The following ANK3 variants were observed in gnomAD, a reference collection of about 807,000 sequenced individuals.
The protein encoded by ANK3 is ankyrin 3, also known as ankyrin-3.
ANK3 carries 57 observed loss-of-function variants against 370.9 expected under a neutral mutation model. That is an observed-to-expected ratio of 0.15 (90% CI 0.12 to 0.19). ANK3 has a LOEUF of 0.19. Ranked by LOEUF, ANK3 falls within the 10% of genes least tolerant of loss-of-function variation. The pLI is 1.00. For missense variants in ANK3, 4,439 were observed against 5,302.1 expected (o/e 0.84, Z 5.06); for synonymous variants, 1,929 against 1,946.3 (o/e 0.99, Z 0.23).
At chr10:60,725,000 A>G (rs2079921081) in intron 1 of ANK3, among the ~76,000 whole-genome samples, 1 of 152,054 alleles carries the variant, frequency 6.6e-6, no homozygotes, top group South Asian at 2.1e-4. Flanking sequence ...TTTCATCTCC[A>G]TAGCCCACTC....
intron 2 of ANK3, among the ~76,000 whole-genome samples, chr10:60,531,698 G>A (rs2076610424): frequency 6.6e-6 from 1 of 152,030 alleles, no homozygotes; most frequent in Non-Finnish European, 1.5e-5. Flanking sequence ...AGTGAGATTG[G>A]TACAAGTCTT....
In ANK3 at chr10:60,071,069, T is replaced by C; in HGVS notation, c.9812A>G (p.His3271Arg). 6.2e-7 allele frequency: 1 copy of C among 1,614,168 alleles called. No individual in the cohort carries two copies. Among genetic ancestry groups the C allele is most frequent in the Non-Finnish European group, 8.5e-7 (1 of 1,180,032 alleles). Reference sequence around the variant, plus strand: ...AACCTCTTTTTCTGGGAGATAATGATGCTTCTTATCTGACTCAATCTGGTC... The same window carrying C: ...AACCTCTTTTTCTGGGAGATAATGACGCTTCTTATCTGACTCAATCTGGTC... Reference protein sequence around the residue: ...DADQIESDKKHHYLPEKEVDM... With the variant: ...DADQIESDKKRHYLPEKEVDM... The change falls in exon 37 of 44, where the codon CAT becomes CGT. Residue 3271 changes from histidine to arginine, a missense_variant. By Grantham distance (29) the His-to-Arg change is conservative. Around this residue, in one of 13 missense-constraint regions of ANK3, gnomAD observed 1,601 missense variants for 1,731.7 expected, o/e 0.92. Transcript: ENST00000280772.
chr10:60,640,937 G>T (rs2078623759), intron 1 of ANK3, among the ~76,000 whole-genome samples: 1 of 85,166 alleles, frequency 1.2e-5, no homozygotes, highest in African/African-American at 3.9e-5. Context: ...CAAAGTCTCA[G>T]GATACAAAAT....
intron 8 of ANK3, among the ~76,000 whole-genome samples, chr10:60,216,445 C>T (rs1483650198): frequency 2.6e-5 from 4 of 151,946 alleles, no homozygotes; most frequent in African/African-American, 4.8e-5. Context: ...TTCCATCAAT[C>T]CCTAGTTTGT....
chr10:60,373,704 G>A (rs747899313), intron 1 of ANK3, among the ~76,000 whole-genome samples: 1 of 152,312 alleles, frequency 6.6e-6, no homozygotes, highest in South Asian at 2.1e-4. Context: ...TTAGAGACAG[G>A]TGGCATGGAG....
intron 1 of ANK3, among the ~76,000 whole-genome samples, chr10:60,345,480 A>C (rs1009170764): frequency 1.3e-5 from 2 of 152,104 alleles, no homozygotes; most frequent in Admixed American, 6.6e-5. Context: ...TTCCTGTTTG[A>C]TTCATTTTCT....
At chr10:60,567,175 T>G (rs2077483258) in intron 2 of ANK3, among the ~76,000 whole-genome samples, 1 of 152,208 alleles carries the variant, frequency 6.6e-6, no homozygotes, top group Admixed American at 6.6e-5. Context: ...AGCCCTATAC[T>G]GTAGTGGGAG....
At chr10:60,244,602 A>C (rs922262216) in intron 7 of ANK3, among the ~76,000 whole-genome samples, 1 of 152,224 alleles carries the variant, frequency 6.6e-6, no homozygotes, top group Non-Finnish European at 1.5e-5. Flanking sequence ...TTTAAAACAC[A>C]TACATTTTAA....
intron 1 of ANK3, among the ~76,000 whole-genome samples, chr10:60,372,746 C>T (rs1390837439): frequency 6.6e-6 from 1 of 152,134 alleles, no homozygotes; most frequent in East Asian, 1.9e-4. Context: ...TCTAGAGCCT[C>T]TTTGGGAATT....
At position 60,083,796 on chromosome 10, in the gene ANK3, C is replaced by T. The variant is rs2085914007; in HGVS notation, c.4075-179G>A. 9.4e-6 allele frequency: 5 copies of T among 529,908 alleles called. No homozygotes were observed. In the East Asian group the frequency reaches 9.7e-5, roughly 10 times the overall value. The allele number at this position is 529,908 out of a possible 1,614,324, so 32.8% of individuals were successfully genotyped here. ...ATGTTGTGTGCTTACAACTCACCAA[C>T]TGTAATTGGAATCCATATCATGGAC... On this transcript the variant is annotated intron_variant, in intron 32 of 43. Coordinates refer to ENST00000280772, the MANE Select transcript of ANK3 (RefSeq NM_020987.5).
At chr10:60,572,673 C>A in intron 2 of ANK3, 2 of 1,433,780 alleles carry the variant, frequency 1.4e-6, no homozygotes, top group South Asian at 1.6e-5. Context: ...TAAACCCAGC[C>A]CCTGCTGCTG....
intron 2 of ANK3, among the ~76,000 whole-genome samples, chr10:60,407,130 C>G (rs561035465): frequency 3.9e-5 from 6 of 152,292 alleles, no homozygotes; most frequent in African/African-American, 1.4e-4. Context: ...TACTCTTTCT[C>G]ACACTAAACT....
In ANK3 at chr10:60,304,034, C is replaced by T. The variant is rs145895014; in HGVS notation, c.115-24395G>A. 3.0e-3 allele frequency among the ~76,000 whole-genome samples: 459 copies of T among 151,994 alleles called. 2 individuals carry two copies. The highest frequency in any genetic ancestry group is 4.9e-3 in the Non-Finnish European group (330 of 67,996). On this transcript the variant is annotated intron_variant, in intron 1 of 43. Transcript: ENST00000280772. ...CACAGAAAGAAAAACATTGCATGAT[C>T]CCATTTACATGAGGAATTGAAAAAA...
chr10:60,140,638 G>C, intron 23 of ANK3: 1 of 1,388,526 alleles, frequency 7.2e-7, no homozygotes, highest in Non-Finnish European at 9.3e-7. Context: ...TTGAGGTTAA[G>C]ATCCTTTTGA....
chr10:60,116,080 C>A (rs767273826), intron 25 of ANK3, among the ~76,000 whole-genome samples: 4 of 152,132 alleles, frequency 2.6e-5, no homozygotes, highest in Non-Finnish European at 5.9e-5. Context: ...ATTTGACCTT[C>A]ATAATCCCCT....
intron 1 of ANK3, among the ~76,000 whole-genome samples, chr10:60,338,801 T>C (rs1449062936): frequency 6.6e-6 from 1 of 152,232 alleles, no homozygotes; most frequent in Non-Finnish European, 1.5e-5. Flanking sequence ...AGCGGGAGTT[T>C]AATCCCACAT....
At chr10:60,459,886 C>T (rs1263327439) in intron 2 of ANK3, among the ~76,000 whole-genome samples, 1 of 152,122 alleles carries the variant, frequency 6.6e-6, no homozygotes, top group Non-Finnish European at 1.5e-5. Context: ...TGTCTCCAAT[C>T]GGTCTTTGTA....
intron 35 of ANK3, among the ~76,000 whole-genome samples, chr10:60,081,219 G>A (rs2085141466): frequency 6.6e-6 from 1 of 152,100 alleles, no homozygotes; most frequent in Admixed American, 6.6e-5. Flanking sequence ...TGAGTAGATG[G>A]GATTACAGGC....
At chr10:60,442,779 T>C (rs1184876560) in intron 2 of ANK3, among the ~76,000 whole-genome samples, 3 of 152,240 alleles carry the variant, frequency 2.0e-5, no homozygotes, top group African/African-American at 7.2e-5. Flanking sequence ...TTACATAGAT[T>C]ATAGCATTTG....
Sources: allele counts gnomAD v4.1 joint callset (sites outside exome capture counted in the v4.1 genomes callset), GRCh38; gene constraint gnomAD v4.1.1; regional missense constraint gnomAD v4.1.1; transcripts MANE v1.5; gene names NCBI Gene and HGNC (gene_info 2026-07-23, HGNC 2026-07-21).